The following DAB1 variants were observed in gnomAD, a reference collection of about 807,000 sequenced individuals.
DAB1 encodes the protein DAB adaptor protein 1.
DAB1 carries 15 observed loss-of-function variants against 64.6 expected under a neutral mutation model. The observed-to-expected ratio is 0.23, with a 90% CI of 0.16 to 0.36. The LOEUF (loss-of-function observed/expected upper bound fraction) is 0.36. Ranked by LOEUF, DAB1 falls within the 10% of genes least tolerant of loss-of-function variation. The pLI is 1.00. For missense variants in DAB1, 596 were observed against 706.7 expected (o/e 0.84, Z 1.78); for synonymous variants, 235 against 251.9 (o/e 0.93, Z 0.64).
intron 5 of DAB1, among the ~76,000 whole-genome samples, chr1:58,125,910 G>A (rs1653044645): frequency 1.3e-5 from 2 of 152,098 alleles, no homozygotes; most frequent in Admixed American, 6.5e-5. Context: ...TTGGGGTGGA[G>A]GGGGTCAGTA....
chr1:58,460,706 T>G (rs1382908526), intron 3 of DAB1, among the ~76,000 whole-genome samples: 1 of 152,218 alleles, frequency 6.6e-6, no homozygotes, highest in Non-Finnish European at 1.5e-5. Flanking sequence ...GCTCTCTGAC[T>G]GGGCTCCACC....
chr1:57,856,125 T>C (rs1653742328), intron 1 of DAB1, among the ~76,000 whole-genome samples: 1 of 152,138 alleles, frequency 6.6e-6, no homozygotes. Context: ...TCCACAGCCC[T>C]GGGACTGGCT....
intron 3 of DAB1, among the ~76,000 whole-genome samples, chr1:58,380,466 C>T (rs35045464): frequency 0.11 from 16,322 of 152,230 alleles, 950 homozygotes; most frequent in Middle Eastern, 0.17. Context: ...GGCAGTTCTT[C>T]ATAGCAGTGT....
At chr1:58,300,644 G>GGA (rs746180529) in intron 4 of DAB1, among the ~76,000 whole-genome samples, 771 of 59,148 alleles carry the variant, frequency 0.013, 43 homozygotes, top group East Asian at 0.069. Flanking sequence ...GAGAGAGAGA[G>GGA]AGAGGAAGGA....
chr1:58,056,919 T>C (rs1410893646), intron 5 of DAB1, among the ~76,000 whole-genome samples: 1 of 151,884 alleles, frequency 6.6e-6, no homozygotes. Context: ...ACACCGTCCA[T>C]GTCTAGGGGT....
intron 1 of DAB1, among the ~76,000 whole-genome samples, chr1:57,837,999 C>T (rs1318283598): frequency 6.6e-6 from 1 of 152,026 alleles, no homozygotes; most frequent in East Asian, 1.9e-4. Context: ...ACTGTTACCA[C>T]CAGTGGATAT....
At chr1:57,985,436 G>A (rs921842123) in intron 5 of DAB1, among the ~76,000 whole-genome samples, 2 of 152,014 alleles carry the variant, frequency 1.3e-5, no homozygotes, top group African/African-American at 4.8e-5. Flanking sequence ...TAACCCCCAA[G>A]GTTATAGTAT....
intron 4 of DAB1, among the ~76,000 whole-genome samples, chr1:58,192,959 T>G (rs1254411728): frequency 6.6e-6 from 1 of 152,232 alleles, no homozygotes; most frequent in Admixed American, 6.5e-5. Flanking sequence ...ATGATTAGGA[T>G]GGTAAATTTT....
chr1:58,490,190 T>C (rs540872712), intron 3 of DAB1, among the ~76,000 whole-genome samples: 234 of 152,206 alleles, frequency 1.5e-3, no homozygotes, highest in Non-Finnish European at 2.7e-3. Flanking sequence ...GTTAAAAATC[T>C]TGAAAAAAGA....
intron 5 of DAB1, among the ~76,000 whole-genome samples, chr1:58,144,125 G>C (rs766099255): frequency 2.0e-5 from 3 of 152,202 alleles, no homozygotes; most frequent in Non-Finnish European, 4.4e-5. Context: ...CAAGTTCAAT[G>C]AGAAAAGCAA....
intron 7 of DAB1, among the ~76,000 whole-genome samples, chr1:57,458,751 A>G (rs980128886): frequency 6.6e-6 from 1 of 152,070 alleles, no homozygotes; most frequent in Admixed American, 6.6e-5. Context: ...CGTGTTTCCA[A>G]ACCTTTTTAA....
intron 6 of DAB1, among the ~76,000 whole-genome samples, chr1:57,685,203 C>T (rs562280410): frequency 4.5e-4 from 68 of 151,750 alleles, no homozygotes; most frequent in African/African-American, 1.6e-3. Context: ...CTGCCCACCT[C>T]GGCCTCCCAA....
intron 4 of DAB1, among the ~76,000 whole-genome samples, chr1:58,163,707 C>T (rs894338430): frequency 3.9e-5 from 6 of 152,088 alleles, no homozygotes; most frequent in African/African-American, 1.2e-4. Flanking sequence ...GTGGGAGATG[C>T]CCATGCTCAA....
At chr1:58,077,536 A>C (rs892572225) in intron 5 of DAB1, among the ~76,000 whole-genome samples, 13 of 152,254 alleles carry the variant, frequency 8.5e-5, no homozygotes, top group African/African-American at 3.1e-4. Flanking sequence ...AAACACCAGC[A>C]GAACAAAGCT....
chr1:57,803,953 T>C (rs1651246402), intron 6 of DAB1, among the ~76,000 whole-genome samples: 1 of 152,220 alleles, frequency 6.6e-6, no homozygotes, highest in Non-Finnish European at 1.5e-5. Flanking sequence ...TATCAGAATG[T>C]GCTGCATGTA....
intron 6 of DAB1, among the ~76,000 whole-genome samples, chr1:57,818,255 C>T (rs1651958711): frequency 6.6e-6 from 1 of 152,052 alleles, no homozygotes; most frequent in South Asian, 2.1e-4. Flanking sequence ...AAAATGCTGC[C>T]TTAAAACACA....
At chr1:57,814,208 C>A (rs551562588) in intron 6 of DAB1, among the ~76,000 whole-genome samples, 1 of 152,186 alleles carries the variant, frequency 6.6e-6, no homozygotes, top group Non-Finnish European at 1.5e-5. Context: ...ATCCTGAACC[C>A]CGTGTGTCTT....
intron 7 of DAB1, among the ~76,000 whole-genome samples, chr1:57,507,820 G>A (rs1298594056): frequency 6.6e-6 from 1 of 152,118 alleles, no homozygotes; most frequent in Non-Finnish European, 1.5e-5. Context: ...TTAAATGGGA[G>A]GGCCTTCACT....
intron 3 of DAB1, among the ~76,000 whole-genome samples, chr1:58,471,486 A>G (rs1289947343): frequency 2.6e-5 from 4 of 152,182 alleles, no homozygotes; most frequent in Admixed American, 6.5e-5. Context: ...GAATACTGCC[A>G]CCTAAACAAA....
Sources: allele counts gnomAD v4.1 joint callset (sites outside exome capture counted in the v4.1 genomes callset), GRCh38; gene constraint gnomAD v4.1.1; transcripts MANE v1.5; gene names NCBI Gene and HGNC (gene_info 2026-07-23, HGNC 2026-07-21).